Variants in ZBED6 observed in about 807,000 individuals in gnomAD.
ZBED6 encodes zinc finger BED-type containing 6, also known as zinc finger BED domain-containing protein 6.
In ZBED6, 40 loss-of-function variants were observed where a neutral mutation model predicts 58.4. The observed-to-expected ratio is 0.68, with a 90% CI of 0.53 to 0.89. The LOEUF is 0.89. ZBED6 is among the 40% of genes least tolerant of loss of function. The probability of loss-of-function intolerance (pLI) is 0.00; values close to 1 mark genes in which losing one functional copy is unlikely to be tolerated. For missense variants in ZBED6, 1,057 were observed against 1,003.9 expected (o/e 1.05, Z -0.71); for synonymous variants, 439 against 350.6 (o/e 1.25, Z -2.82).
chr1:203,840,437 T>C (rs997990166), intron 11 of ZBED6, 63 bp downstream of exon 11: 42 of 1,518,014 alleles, frequency 2.8e-5, no homozygotes, highest in Non-Finnish European at 3.7e-5. Flanking sequence ...CCTTTGCTTT[T>C]TCTCAGATTT....
In ZBED6 at chr1:203,800,364, T is replaced by A. The variant is rs1290743523; in HGVS notation, c.2842T>A (p.Leu948Met). ...ACAACTGATGTTTCTGAAAATGAAC[T>A]TGAAAAATGTTAACTACGATTATTC... Residue 948 changes from leucine to methionine, a missense_variant, in exon 1 of 17, where the codon TTG becomes ATG. Physicochemically the swap from Leu to Met is conservative, Grantham distance 15. Transcript: ENST00000550078. 3.1e-6 allele frequency: 3 copies of A among 960,008 alleles called. No homozygotes were observed. The East Asian group carries it at 7.8e-5, about 25-fold the overall frequency. The allele number at this position is 960,008 out of a possible 1,614,324, so 59.5% of individuals were successfully genotyped here. A position where few individuals can be genotyped will look rare whatever the true frequency, so the allele number is the denominator to read the frequency against.
chr1:203,833,530 T>C (rs1683155416), intron 8 of ZBED6, among the ~76,000 whole-genome samples: 1 of 151,584 alleles, frequency 6.6e-6, no homozygotes, highest in Admixed American at 6.6e-5. Context: ...GAGTCTATTA[T>C]TATTATCAAA....
At chr1:203,844,741 G>C (rs866076926) in intron 11 of ZBED6, among the ~76,000 whole-genome samples, 7 of 152,190 alleles carry the variant, frequency 4.6e-5, no homozygotes, top group South Asian at 2.1e-4. Context: ...GGGAGGTCTG[G>C]GGGCTCATAC....
At chr1:203,825,784 T>C (rs1164446332) in intron 3 of ZBED6, among the ~76,000 whole-genome samples, 1 of 152,096 alleles carries the variant, frequency 6.6e-6, no homozygotes, top group Non-Finnish European at 1.5e-5. Context: ...TTCTTTTTAG[T>C]ATGCATATAG....
At chr1:203,849,918 C>T (rs374817629) in exon 14 of ZBED6, 28 of 1,613,946 alleles carry the variant, frequency 1.7e-5, no homozygotes, top group Admixed American at 1.5e-4. Flanking sequence ...CCTGACCAAG[C>T]GGCTTCCCAC....
exon 5 of ZBED6, chr1:203,829,594 C>T: frequency 1.2e-6 from 2 of 1,614,148 alleles, no homozygotes; most frequent in Non-Finnish European, 1.7e-6. Flanking sequence ...CGAAAATGTT[C>T]CTAGCCCCAC....
chr1:203,814,519 A>G (rs1324823612), intron 1 of ZBED6, among the ~76,000 whole-genome samples: 2 of 152,052 alleles, frequency 1.3e-5, no homozygotes, highest in Non-Finnish European at 2.9e-5. Flanking sequence ...GCAAGACTCC[A>G]TCTCAAAGAA....
At chr1:203,823,025 T>C (rs912915008) in intron 3 of ZBED6, among the ~76,000 whole-genome samples, 4 of 152,218 alleles carry the variant, frequency 2.6e-5, no homozygotes, top group Non-Finnish European at 5.9e-5. Context: ...GCAGCAGATA[T>C]CAAATAAATT....
chr1:203,797,065 A>G (rs1430444822), exon 1 of ZBED6: 1 of 153,394 alleles, frequency 6.5e-6, no homozygotes, highest in Non-Finnish European at 1.5e-5. Context: ...TTCAGAATTA[A>G]GGGAAATTGA....
At chr1:203,800,684 C>G (rs906886085) in exon 1 of ZBED6, 8 of 390,548 alleles carry the variant, frequency 2.0e-5, no homozygotes, top group Non-Finnish European at 3.1e-5. Context: ...TTTGCTTATA[C>G]CAATGAGAGA....
At chr1:203,798,091 T>C (rs1433745051) in exon 1 of ZBED6, 1 of 1,536,124 alleles carries the variant, frequency 6.5e-7, no homozygotes, top group Non-Finnish European at 8.7e-7. Context: ...GCCAACAAGT[T>C]TGGAGTTGCT....
At chr1:203,810,576 C>T (rs749807016) in intron 1 of ZBED6, among the ~76,000 whole-genome samples, 4 of 152,016 alleles carry the variant, frequency 2.6e-5, no homozygotes, top group Admixed American at 6.6e-5. Flanking sequence ...CCCACCACCA[C>T]GCCCAGCTAA....
rs1244426716 is a variant in ZBED6 at position 203,800,500 on chromosome 1, G to C, written c.*38G>C. On this transcript the variant is annotated 3_prime_UTR_variant, in exon 1 of 17. Coordinates refer to ENST00000550078, the Ensembl canonical transcript of ZBED6. ...CATTTAAAATGGGCAACTTTTTGCT[G>C]TGTTACTGTATCTTAATAGCTGTAG... 22 of 1,449,536 alleles carry C rather than the reference G, an allele frequency of 1.5e-5. No homozygotes were observed. In the Middle Eastern group the frequency reaches 6.8e-4, roughly 45 times the overall value. The allele number at this position is 1,449,536 out of a possible 1,614,324, so 89.8% of individuals were successfully genotyped here. A position where few individuals can be genotyped will look rare whatever the true frequency, so the allele number is the denominator to read the frequency against.
At chr1:203,850,312 A>G in intron 14 of ZBED6, 1 of 713,858 alleles carries the variant, frequency 1.4e-6, no homozygotes, top group Non-Finnish European at 2.3e-6. Context: ...AACAAATTTA[A>G]GTGGTATTGT....
chr1:203,811,806 A>ATAGC (rs1196722025), intron 1 of ZBED6, among the ~76,000 whole-genome samples: 2 of 149,900 alleles, frequency 1.3e-5, no homozygotes, highest in Non-Finnish European at 3.0e-5. Flanking sequence ...AAGTATTCAG[A>ATAGC]TAGCTTTGTC....
chr1:203,799,700 CAG>C lies in ZBED6; in HGVS notation c.2182_2183del (p.Glu728ArgfsTer16). On this transcript the variant is annotated frameshift_variant, in exon 1 of 17. Coordinates refer to ENST00000550078, the Ensembl canonical transcript of ZBED6. LOFTEE classifies it high-confidence loss of function. ...ATCTACTCCTTTCCCTGCAGAAACT[CAG>C]AGAAGATTTTCAAGTCAGAGGTATT... is the stretch of plus-strand genomic sequence containing the variant. The C allele has an allele frequency of 1.4e-6, 1 of 716,346 alleles. No individual in the cohort carries two copies. Among genetic ancestry groups the C allele is most frequent in the Non-Finnish European group, 2.5e-6 (1 of 397,358 alleles). The allele number at this position is 716,346 out of a possible 1,614,324, so 44.4% of individuals were successfully genotyped here.
At chr1:203,847,045 G>T in intron 11 of ZBED6, 139 bp from the exon 12 acceptor site, 10 of 892,274 alleles carry the variant, frequency 1.1e-5, no homozygotes, top group East Asian at 2.5e-5. Context: ...AGAAATAAAT[G>T]TTACCCTTTT....
intron 8 of ZBED6, among the ~76,000 whole-genome samples, chr1:203,832,504 G>T (rs1337963552): frequency 6.6e-6 from 1 of 151,982 alleles, no homozygotes; most frequent in Non-Finnish European, 1.5e-5. Flanking sequence ...GGGATTATAG[G>T]CACCCGCCAC....
chr1:203,807,082 T>A (rs1182586406), intron 1 of ZBED6, among the ~76,000 whole-genome samples: 1 of 151,716 alleles, frequency 6.6e-6, no homozygotes, highest in East Asian at 1.9e-4. Flanking sequence ...TGGGGTCTCA[T>A]TGTGTTGCCC....
Sources: gnomAD v4.1 joint callset for allele counts (sites outside exome capture counted in the v4.1 genomes callset) on GRCh38, gnomAD v4.1.1 for gene constraint, MANE v1.5 for transcripts, NCBI Gene and HGNC (gene_info 2026-07-23, HGNC 2026-07-21) for gene names.